GALNTL6: variants seen among roughly 807,000 people sequenced by gnomAD.
The protein encoded by GALNTL6 is polypeptide N-acetylgalactosaminyltransferase-like 6.
A neutral mutation model predicts 73.7 loss-of-function variants in GALNTL6; 46 were observed. The observed-to-expected ratio is 0.62, with a 90% CI of 0.49 to 0.80. The LOEUF (loss-of-function observed/expected upper bound fraction) is 0.80. Among genes scored for constraint, GALNTL6 ranks in the 30% least tolerant of loss-of-function variants. The probability of loss-of-function intolerance (pLI) is 0.00; values close to 1 mark genes in which losing one functional copy is unlikely to be tolerated. For missense variants in GALNTL6, 604 were observed against 755.0 expected, an observed-to-expected ratio of 0.80 and a Z score of 2.34; for synonymous variants, 259 against 263.7, an observed-to-expected ratio of 0.98 and a Z score of 0.17.
At position 172,283,273 on chromosome 4, in the gene GALNTL6, A is replaced by G. The variant is rs532497975; in HGVS notation, c.248-28341A>G. On this transcript the variant is annotated intron_variant, in intron 3 of 12. Coordinates refer to ENST00000506823, the MANE Select transcript of GALNTL6 (RefSeq NM_001034845.3). ...AAGATGTTAAAAGAAATCAAACTGT[A>G]TAATACGGGTAATAAAGATTTTGCT... Among the ~76,000 whole-genome samples, 3 of 152,352 alleles carry G rather than the reference A, an allele frequency of 2.0e-5. No homozygotes were observed. The South Asian group carries it at 6.2e-4, about 32-fold the overall frequency.
intron 2 of GALNTL6, among the ~76,000 whole-genome samples, chr4:171,874,466 A>G (rs1202094937): frequency 1.3e-5 from 2 of 152,182 alleles, no homozygotes; most frequent in African/African-American, 4.8e-5. Flanking sequence ...CTGGGATTAC[A>G]GGCATGAGGG....
At chr4:172,580,802 G>T (rs1011584000) in intron 5 of GALNTL6, among the ~76,000 whole-genome samples, 1 of 152,116 alleles carries the variant, frequency 6.6e-6, no homozygotes, top group Non-Finnish European at 1.5e-5. Flanking sequence ...TTTTTGAGAC[G>T]GAGTTTCGCT....
chr4:172,437,372 G>A (rs1335538859), intron 5 of GALNTL6, among the ~76,000 whole-genome samples: 1 of 152,172 alleles, frequency 6.6e-6, no homozygotes, highest in Non-Finnish European at 1.5e-5. Context: ...TTGCAGTCAT[G>A]TGACCTGAAT....
At chr4:172,912,522 T>C (rs543416471) in intron 8 of GALNTL6, among the ~76,000 whole-genome samples, 1 of 152,198 alleles carries the variant, frequency 6.6e-6, no homozygotes, top group Non-Finnish European at 1.5e-5. Flanking sequence ...ACCCTAATAC[T>C]GCGCTTTTCC....
At chr4:171,968,507 G>C (rs901603641) in intron 2 of GALNTL6, among the ~76,000 whole-genome samples, 1 of 152,108 alleles carries the variant, frequency 6.6e-6, no homozygotes, top group Non-Finnish European at 1.5e-5. Context: ...ACTTCCATTA[G>C]ATTTAGGGCT....
rs1196683602 is a variant in GALNTL6 at position 172,259,647 on chromosome 4, T to C, written c.247+29883T>C. 2.6e-5 allele frequency among the ~76,000 whole-genome samples: 4 copies of C among 151,158 alleles called. No individual in the cohort carries two copies. The East Asian group carries it at 7.7e-4, about 29-fold the overall frequency. On this transcript the variant is annotated intron_variant, in intron 3 of 12. Transcript: ENST00000506823. ...CATCTATTTATTTTTGTTTTTGTTG[T>C]TTGCTGTTGGATTCTTGGTCATGAA...
At chr4:172,034,367 G>C (rs555082891) in intron 2 of GALNTL6, among the ~76,000 whole-genome samples, 2 of 149,558 alleles carry the variant, frequency 1.3e-5, no homozygotes, top group African/African-American at 4.9e-5. Flanking sequence ...ACAGATCTGG[G>C]TATCTATTCT....
intron 7 of GALNTL6, among the ~76,000 whole-genome samples, chr4:172,823,137 A>G (rs115524857): frequency 0.01 from 1,572 of 152,242 alleles, 29 homozygotes; most frequent in African/African-American, 0.036. Context: ...CCCCAATAAC[A>G]TGATACCAGA....
chr4:172,189,582 G>A (rs1183685276), intron 2 of GALNTL6, among the ~76,000 whole-genome samples: 2 of 152,084 alleles, frequency 1.3e-5, no homozygotes, highest in African/African-American at 4.8e-5. Flanking sequence ...AAGAATACCT[G>A]CTGAAAGCTT....
At chr4:172,677,325 G>A (rs1379543463) in intron 5 of GALNTL6, among the ~76,000 whole-genome samples, 5 of 152,064 alleles carry the variant, frequency 3.3e-5, no homozygotes, top group Admixed American at 6.5e-5. Context: ...GACCCAATTC[G>A]GCACTGCTTG....
chr4:172,628,066 C>T (rs1381375263), intron 5 of GALNTL6, among the ~76,000 whole-genome samples: 4 of 152,060 alleles, frequency 2.6e-5, no homozygotes, highest in Non-Finnish European at 2.9e-5. Flanking sequence ...AATATACTCA[C>T]TACATGCTGC....
intron 2 of GALNTL6, among the ~76,000 whole-genome samples, chr4:171,854,469 T>G (rs1735625789): frequency 6.6e-6 from 1 of 152,142 alleles, no homozygotes; most frequent in Admixed American, 6.5e-5. Flanking sequence ...TGCTATTTGC[T>G]TGTGGACTCC....
At chr4:172,156,529 CATATATATATAATATATATAT>C (rs1734269341) in intron 2 of GALNTL6, among the ~76,000 whole-genome samples, 1 of 71,616 alleles carries the variant, frequency 1.4e-5, no homozygotes, top group East Asian at 2.7e-4. Context: ...TTTAAATATA[CATATATATATAATATATATAT>C]ATATATATAT....
chr4:172,557,410 T>G (rs1736187827), intron 5 of GALNTL6, among the ~76,000 whole-genome samples: 2 of 152,034 alleles, frequency 1.3e-5, no homozygotes, highest in Non-Finnish European at 2.9e-5. Flanking sequence ...TTCCTCAAGA[T>G]TAAAAATGCC....
chr4:172,243,319 A>G (rs1737512378), intron 3 of GALNTL6, among the ~76,000 whole-genome samples: 1 of 152,138 alleles, frequency 6.6e-6, no homozygotes, highest in Non-Finnish European at 1.5e-5. Flanking sequence ...ATGTGGATGT[A>G]ATTACTTTTA....
chr4:172,395,316 T>C (rs1423155380), intron 5 of GALNTL6, among the ~76,000 whole-genome samples: 1 of 152,190 alleles, frequency 6.6e-6, no homozygotes, highest in Non-Finnish European at 1.5e-5. Flanking sequence ...TTACAAATAA[T>C]GTGTGCAAAG....
At chr4:172,187,922 A>G (rs1345535963) in intron 2 of GALNTL6, among the ~76,000 whole-genome samples, 1 of 152,172 alleles carries the variant, frequency 6.6e-6, no homozygotes, top group Non-Finnish European at 1.5e-5. Context: ...ACACAATGTC[A>G]AGTACTTTTC....
At chr4:172,620,927 C>T (rs1054625250) in intron 5 of GALNTL6, among the ~76,000 whole-genome samples, 1 of 152,168 alleles carries the variant, frequency 6.6e-6, no homozygotes, top group Non-Finnish European at 1.5e-5. Flanking sequence ...ATAACGCATT[C>T]CCTCTGTTTA....
At chr4:172,721,517 A>T (rs13104048) in intron 5 of GALNTL6, among the ~76,000 whole-genome samples, 47,568 of 152,160 alleles carry the variant, frequency 0.31, 8,085 homozygotes, top group Middle Eastern at 0.46. Context: ...AAACTATCAG[A>T]TGATTTCAAT....
Sources: allele counts gnomAD v4.1 joint callset (sites outside exome capture counted in the v4.1 genomes callset), GRCh38; gene constraint gnomAD v4.1.1; transcripts MANE v1.5; gene names NCBI Gene and HGNC (gene_info 2026-07-23, HGNC 2026-07-21).